The following ATXN1 variants were observed in gnomAD, a reference collection of about 807,000 sequenced individuals.
ATXN1 encodes ataxin-1.
In ATXN1, 8 loss-of-function variants were observed where a neutral mutation model predicts 56.4. The ratio of observed to expected loss-of-function variants is 0.14; its 90% confidence interval spans 0.08 to 0.26. The LOEUF (loss-of-function observed/expected upper bound fraction) is 0.26, where lower values mean the gene tolerates loss of function less well. ATXN1 is among the 10% of genes least tolerant of loss of function. The pLI is 1.00. For synonymous variants in ATXN1, 514 were observed against 494.6 expected (o/e 1.04, Z -0.52); for missense variants, 987 against 1,106.5 (o/e 0.89, Z 1.53).
chr6:16,308,322 TCACA>T (rs35291830), intron 7 of ATXN1, among the ~76,000 whole-genome samples: 7,462 of 132,546 alleles, frequency 0.056, 221 homozygotes, highest in African/African-American at 0.072. Flanking sequence ...TGAAACTCCG[TCACA>T]CACACACACA....
intron 3 of ATXN1, among the ~76,000 whole-genome samples, chr6:16,632,322 A>G (rs967234501): frequency 6.6e-5 from 10 of 152,212 alleles, no homozygotes; most frequent in African/African-American, 2.4e-4. Context: ...ACAACACCAC[A>G]CAGAGCTGAC....
At chr6:16,517,816 G>A (rs147774533) in intron 5 of ATXN1, among the ~76,000 whole-genome samples, 239 of 152,288 alleles carry the variant, frequency 1.6e-3, no homozygotes, top group African/African-American at 5.4e-3. Context: ...CAACTGATGA[G>A]CTACATACAG....
intron 6 of ATXN1, among the ~76,000 whole-genome samples, chr6:16,414,359 C>G (rs536885568): frequency 6.6e-6 from 1 of 152,294 alleles, no homozygotes; most frequent in Admixed American, 6.5e-5. Context: ...CCATCCAACC[C>G]ATTTTGGTAT....
chr6:16,326,924 C>T lies in ATXN1; in HGVS notation c.1387G>A (p.Gly463Ser), dbSNP rs147969060. Residue 463 changes from glycine (G) to serine (S), a missense_variant, in exon 7 of 8, where the codon GGC becomes AGC. Around this residue, in one of 3 missense-constraint regions of ATXN1, gnomAD observed 723 missense variants for 791.7 expected, o/e 0.91. Coordinates refer to ENST00000436367, the MANE Select transcript of ATXN1 (RefSeq NM_001128164.2). This position sits in a 1 kb window ranked among gnomAD's most constrained non-coding sequence, Gnocchi z 6.6. Reference sequence around the variant, plus strand: ...GCTTGCTGCTGGCCGCTCAGGTAGCCGATGACAGGGGGTTGAGTCCCTGCG... The same window carrying T: ...GCTTGCTGCTGGCCGCTCAGGTAGCTGATGACAGGGGGTTGAGTCCCTGCG... ...FYAGTQPPVI[G>S]YLSGQQQAIT... The T allele has an allele frequency of 1.0e-4, 164 of 1,613,732 alleles. No individual in the cohort carries two copies. The highest frequency in any genetic ancestry group is 1.4e-4 in the Non-Finnish European group (160 of 1,179,898).
In ATXN1 at chr6:16,390,680, T is replaced by TACACACACACACACACACACA. The variant is rs60238072; in HGVS notation, c.-160-62211_-160-62210insTGTGTGTGTGTGTGTGTGTGT. Among the ~76,000 whole-genome samples the TACACACACACACACACACACA allele has an allele frequency of 5.0e-4, 73 of 147,260 alleles. 1 individual carries two copies. The highest frequency in any genetic ancestry group is 1.8e-3 in the African/African-American group (72 of 40,160). On this transcript the variant is annotated intron_variant, in intron 6 of 7. Coordinates refer to ENST00000436367, the MANE Select transcript of ATXN1 (RefSeq NM_001128164.2). ...AGATTCAAGGAGTCAAATAAACACA[T>TACACACACACACACACACACA]CACACACACACACACACACACACAC...
chr6:16,472,972 G>A (rs900510646), intron 6 of ATXN1, among the ~76,000 whole-genome samples: 1 of 152,080 alleles, frequency 6.6e-6, no homozygotes, highest in Non-Finnish European at 1.5e-5. Flanking sequence ...ATTAGGTCCT[G>A]GGTTTTTAGT....
intron 6 of ATXN1, among the ~76,000 whole-genome samples, chr6:16,474,008 C>G (rs1310760756): frequency 6.6e-6 from 1 of 152,198 alleles, no homozygotes; most frequent in Non-Finnish European, 1.5e-5. Flanking sequence ...AATGACCACT[C>G]CCCTGTCTTC....
intron 3 of ATXN1, among the ~76,000 whole-genome samples, chr6:16,614,104 A>AGAGGAGC (rs2113793882): frequency 6.6e-6 from 1 of 151,698 alleles, no homozygotes; most frequent in East Asian, 1.9e-4. Flanking sequence ...GAGGCAACTC[A>AGAGGAGC]GAGGAGCGAT....
chr6:16,565,186 A>G (rs1762194841), intron 4 of ATXN1, among the ~76,000 whole-genome samples: 1 of 152,176 alleles, frequency 6.6e-6, no homozygotes, highest in African/African-American at 2.4e-5. Flanking sequence ...GGTCTTTCAT[A>G]CCTAGTTTGA....
chr6:16,684,852 GT>G (rs67153659), intron 2 of ATXN1, among the ~76,000 whole-genome samples: 47,784 of 146,914 alleles, frequency 0.33, 7,490 homozygotes, highest in Non-Finnish European at 0.35. Flanking sequence ...ATTAGGGCTG[GT>G]TTTTTTTTTT....
intron 4 of ATXN1, among the ~76,000 whole-genome samples, chr6:16,561,298 G>C (rs1239045183): frequency 6.6e-6 from 1 of 152,128 alleles, no homozygotes; most frequent in Non-Finnish European, 1.5e-5. Context: ...CTGATTAACT[G>C]CAAAATGGTG....
At chr6:16,638,949 C>A (rs1396558967) in intron 3 of ATXN1, among the ~76,000 whole-genome samples, 1 of 152,182 alleles carries the variant, frequency 6.6e-6, no homozygotes, top group Non-Finnish European at 1.5e-5. Flanking sequence ...GCCAGCTGGA[C>A]TTCTTGGGTC....
chr6:16,493,131 T>G (rs12204397), intron 5 of ATXN1, among the ~76,000 whole-genome samples: 60,633 of 152,064 alleles, frequency 0.4, 13,207 homozygotes, highest in Non-Finnish European at 0.49. Context: ...TCGAACTTCC[T>G]AAAGTAGATA....
At position 16,305,489 on chromosome 6, in the gene ATXN1, C is replaced by T. The variant is rs1367107245; in HGVS notation, c.*840G>A. On this transcript the variant is annotated 3_prime_UTR_variant, in exon 8 of 8. Transcript: ENST00000436367. ...AGAAACCAGCGTGGGTGTTCGCTCT[C>T]TCCCTCTCCCCCACCCCCAACCCCC... The T allele has an allele frequency of 6.5e-6, 1 of 152,706 alleles. No individual in the cohort carries two copies. Among genetic ancestry groups the T allele is most frequent in the Non-Finnish European group, 1.5e-5 (1 of 68,092 alleles). 9.5% of individuals were successfully genotyped at this position (152,706 alleles called of 1,614,324 possible). A position where few individuals can be genotyped will look rare whatever the true frequency, so the allele number is the denominator to read the frequency against.
chr6:16,668,185 T>G (rs116836825), intron 2 of ATXN1, among the ~76,000 whole-genome samples: 3,508 of 152,250 alleles, frequency 0.023, 72 homozygotes, highest in Middle Eastern at 0.088. Context: ...TTTTTTTGTT[T>G]TTGTTTTCTT....
intron 7 of ATXN1, among the ~76,000 whole-genome samples, chr6:16,308,109 G>A (rs1319047741): frequency 6.6e-6 from 1 of 150,528 alleles, no homozygotes; most frequent in African/African-American, 2.4e-5. Context: ...AGCCAAGATC[G>A]TGCCACTTTA....
chr6:16,714,840 T>G (rs1759604693), intron 2 of ATXN1, among the ~76,000 whole-genome samples: 2 of 152,158 alleles, frequency 1.3e-5, no homozygotes, highest in Admixed American at 1.3e-4. Flanking sequence ...TCCAGATCAA[T>G]TCCAGGAGTT....
chr6:16,537,707 AAAAAAAAG>A (rs570341586), intron 4 of ATXN1, among the ~76,000 whole-genome samples: 2,310 of 151,364 alleles, frequency 0.015, 30 homozygotes, highest in Middle Eastern at 0.061. Context: ...ACTCTGTCTC[AAAAAAAAG>A]AAAAAAAGAA....
intron 6 of ATXN1, among the ~76,000 whole-genome samples, chr6:16,339,299 G>C (rs1456155362): frequency 6.6e-6 from 1 of 152,180 alleles, no homozygotes; most frequent in African/African-American, 2.4e-5. Context: ...ATCAAGTCAG[G>C]AAAAAGGTCT....
Sources: allele counts gnomAD v4.1 joint callset (sites outside exome capture counted in the v4.1 genomes callset), GRCh38; gene constraint gnomAD v4.1.1; regional missense constraint gnomAD v4.1.1; non-coding constraint Gnocchi (gnomAD v3.1); transcripts MANE v1.5; gene names NCBI Gene and HGNC (gene_info 2026-07-23, HGNC 2026-07-21).